Variants in SOCS7 observed in about 807,000 individuals in gnomAD.
The protein encoded by SOCS7 is suppressor of cytokine signaling 7.
A neutral mutation model predicts 58.9 loss-of-function variants in SOCS7; 18 were observed. That is an observed-to-expected ratio of 0.31 (90% CI 0.21 to 0.45). The LOEUF is 0.45. Among genes scored for constraint, SOCS7 ranks in the 20% least tolerant of loss-of-function variants. The pLI is 1.00. For missense variants in SOCS7, 667 were observed against 837.3 expected, an observed-to-expected ratio of 0.80 and a Z score of 2.51; for synonymous variants, 388 against 364.3, an observed-to-expected ratio of 1.06 and a Z score of -0.74.
intron 6 of SOCS7, among the ~76,000 whole-genome samples, chr17:38,371,957 A>G (rs568347709): frequency 3.4e-4 from 52 of 151,762 alleles, no homozygotes; most frequent in African/African-American, 1.3e-3. Context: ...TTAGATTTCT[A>G]TTTTTTGCAC....
chr17:38,395,496 G>T, intron 8 of SOCS7, 52 bp downstream of exon 8: 4 of 1,580,952 alleles, frequency 2.5e-6, no homozygotes, highest in Non-Finnish European at 3.5e-6. Flanking sequence ...GGGTTGTGGG[G>T]AGGTAACAAT....
intron 9 of SOCS7, among the ~76,000 whole-genome samples, chr17:38,398,883 G>A (rs2095219394): frequency 6.6e-6 from 1 of 152,022 alleles, no homozygotes; most frequent in African/African-American, 2.4e-5. Flanking sequence ...ACGAGGTCAG[G>A]AGTTTGAGAC....
intron 1 of SOCS7, among the ~76,000 whole-genome samples, chr17:38,353,732 A>G (rs1000622468): frequency 6.6e-6 from 1 of 152,114 alleles, no homozygotes; most frequent in Non-Finnish European, 1.5e-5. Context: ...GCGAAACCCC[A>G]TCTCTACAAA....
intron 7 of SOCS7, among the ~76,000 whole-genome samples, chr17:38,378,915 T>C (rs905538230): frequency 6.6e-6 from 1 of 152,066 alleles, no homozygotes; most frequent in Non-Finnish European, 1.5e-5. Context: ...CCCAGTACTT[T>C]GGGAGGCTGA....
In SOCS7 at chr17:38,400,078, G is replaced by A. The variant is rs1343084461; in HGVS notation, c.*596G>A. ...GAGAGAAAGGAGGGTGGGTGGTCTC[G>A]AAAAGAATATTGGGCAAAACCTAGC... On this transcript the variant is annotated 3_prime_UTR_variant, in exon 10 of 10. Transcript: ENST00000612932. The A allele has an allele frequency of 3.3e-5, 5 of 152,130 alleles. No homozygotes were observed. Among genetic ancestry groups the A allele is most frequent in the African/African-American group, 1.2e-4 (5 of 41,414 alleles). 9.4% of individuals were successfully genotyped at this position (152,130 alleles called of 1,614,324 possible). A position where few individuals can be genotyped will look rare whatever the true frequency, so the allele number is the denominator to read the frequency against.
chr17:38,377,379 T>G (rs2037945107), intron 6 of SOCS7, among the ~76,000 whole-genome samples: 1 of 152,216 alleles, frequency 6.6e-6, no homozygotes, highest in South Asian at 2.1e-4. Context: ...GGATTAGTAA[T>G]GTTCAACTGG....
intron 7 of SOCS7, among the ~76,000 whole-genome samples, chr17:38,382,491 G>GT (rs1289905777): frequency 6.8e-6 from 1 of 147,952 alleles, no homozygotes; most frequent in African/African-American, 2.5e-5. Context: ...GCTCATTTTT[G>GT]TTTGTTTGTT....
At chr17:38,387,082 T>TAAAAAAAA (rs1214323571) in intron 7 of SOCS7, among the ~76,000 whole-genome samples, 1 of 48,678 alleles carries the variant, frequency 2.1e-5, no homozygotes, top group Non-Finnish European at 3.1e-5. Context: ...ACTCTTATCT[T>TAAAAAAAA]AAAAAAAAAA....
Position 38,384,891 on chromosome 17 carries a change from CTTTTTTTTTT to C in SOCS7, c.1681+7064_1681+7073del, listed in dbSNP as rs71138614. 1.3e-4 allele frequency among the ~76,000 whole-genome samples: 10 copies of C among 76,666 alleles called. No homozygotes were observed. The South Asian group carries it at 3.1e-3, about 23-fold the overall frequency. 50.3% of individuals were successfully genotyped at this position (76,666 alleles called of 152,430 possible). ...CAGGCGTGAGCCACTGCACCCAGCT[CTTTTTTTTTT>C]TTTTTTTTTTTTTTGACGGAGTTTT... On this transcript the variant is annotated intron_variant, in intron 7 of 9. Transcript: ENST00000612932.
Position 38,370,651 on chromosome 17 carries a change from AT to A in SOCS7, c.1552+2617del, listed in dbSNP as rs1357286573. Among the ~76,000 whole-genome samples the A allele has an allele frequency of 2.4e-3, 343 of 140,346 alleles. 1 individual carries two copies. The highest frequency in any genetic ancestry group is 2.1e-3 in the African/African-American group (81 of 38,382). 92.1% of individuals were successfully genotyped at this position (140,346 alleles called of 152,430 possible). On this transcript the variant is annotated intron_variant, in intron 6 of 9. Transcript: ENST00000612932. ...CCACTGTACCTCGCCTATAACCGGA[AT>A]TTTTTTTTTTTTTTTGAGACAGAGT...
intron 7 of SOCS7, among the ~76,000 whole-genome samples, chr17:38,384,343 A>G (rs2038040232): frequency 6.6e-6 from 1 of 152,076 alleles, no homozygotes; most frequent in African/African-American, 2.4e-5. Flanking sequence ...TCACTCTGTC[A>G]CTCAGGCTGG....
At chr17:38,397,628 T>C (rs936450105) in intron 9 of SOCS7, among the ~76,000 whole-genome samples, 1 of 152,374 alleles carries the variant, frequency 6.6e-6, no homozygotes, top group Non-Finnish European at 1.5e-5. Context: ...TGGGATGGTT[T>C]TCCTCAAGAG....
chr17:38,372,134 A>C (rs545066575), intron 6 of SOCS7, among the ~76,000 whole-genome samples: 1 of 152,060 alleles, frequency 6.6e-6, no homozygotes, highest in Non-Finnish European at 1.5e-5. Context: ...TATATTGGAA[A>C]ATTTTTTGGA....
chr17:38,393,236 A>AT (rs146821031), intron 7 of SOCS7, among the ~76,000 whole-genome samples: 4,564 of 150,666 alleles, frequency 0.03, 224 homozygotes, highest in African/African-American at 0.11. Flanking sequence ...ATGTATTTTG[A>AT]TTTTTTTTTT....
chr17:38,360,840 G>T (rs899251990), intron 1 of SOCS7, among the ~76,000 whole-genome samples: 1 of 152,190 alleles, frequency 6.6e-6, no homozygotes, highest in Admixed American at 6.5e-5. Context: ...CACCCGGCCA[G>T]CATATAACAT....
At chr17:38,361,823 T>C (rs1555567653) in intron 2 of SOCS7, 48 bp downstream of exon 2, 1 of 1,371,648 alleles carries the variant, frequency 7.3e-7, no homozygotes, top group South Asian at 1.3e-5. Context: ...ACAGGGGCGT[T>C]CTGAGACCTG....
intron 6 of SOCS7, among the ~76,000 whole-genome samples, chr17:38,372,963 G>A (rs570264199): frequency 4.6e-5 from 7 of 152,156 alleles, no homozygotes; most frequent in Non-Finnish European, 8.8e-5. Flanking sequence ...AAAATTAGCC[G>A]TGTGTGGTGG....
At chr17:38,375,065 T>TG (rs2037914122) in intron 6 of SOCS7, among the ~76,000 whole-genome samples, 1 of 152,164 alleles carries the variant, frequency 6.6e-6, no homozygotes, top group African/African-American at 2.4e-5. Context: ...AAGACCAGCC[T>TG]GGGCTGGTAG....
chr17:38,373,782 G>A (rs533174995), intron 6 of SOCS7, among the ~76,000 whole-genome samples: 4 of 152,286 alleles, frequency 2.6e-5, no homozygotes, highest in Non-Finnish European at 4.4e-5. Flanking sequence ...CAGACGCGAC[G>A]TCGCTAATTC....
Sources: gnomAD v4.1 joint callset for allele counts (sites outside exome capture counted in the v4.1 genomes callset) on GRCh38, gnomAD v4.1.1 for gene constraint, MANE v1.5 for transcripts, NCBI Gene and HGNC (gene_info 2026-07-23, HGNC 2026-07-21) for gene names.